The following ARHGEF28 variants were observed in gnomAD, a reference collection of about 807,000 sequenced individuals.
ARHGEF28 encodes the protein 190 kDa guanine nucleotide exchange factor.
Under a neutral mutation model 206.6 loss-of-function variants are expected in ARHGEF28, and 152 were observed. The observed-to-expected ratio is 0.74, with a 90% confidence interval of 0.64 to 0.84. ARHGEF28 has a LOEUF of 0.84. ARHGEF28 is among the 40% of genes least tolerant of loss of function. ARHGEF28 has a pLI of 0.00. For missense variants in ARHGEF28, 2,028 were observed against 2,073.2 expected (o/e 0.98, Z 0.42); for synonymous variants, 763 against 776.4 (o/e 0.98, Z 0.29).
chr5:73,903,911 A>G, intron 31 of ARHGEF28: 2 of 377,574 alleles, frequency 5.3e-6, no homozygotes, highest in Non-Finnish European at 9.5e-6. Flanking sequence ...TGTGGTTTGC[A>G]CAAGGTAAAT....
At chr5:73,893,315 TG>T (rs1561491427) in intron 28 of ARHGEF28, 27 bp downstream of exon 28, 2 of 1,513,044 alleles carry the variant, frequency 1.3e-6, no homozygotes, top group Admixed American at 4.2e-5. Flanking sequence ...TCTGGCTCCC[TG>T]GTCGTGGTGT....
chr5:73,635,493 A>G (rs1301555060), intron 1 of ARHGEF28, among the ~76,000 whole-genome samples: 1 of 152,222 alleles, frequency 6.6e-6, no homozygotes, highest in Non-Finnish European at 1.5e-5. Context: ...TTTTCCAAAT[A>G]GAAGGACTTT....
rs912364983 is a variant in ARHGEF28, at chr5:73,893,347, C to A, written c.3658+59C>A. 9 of 1,377,188 alleles carry A rather than the reference C, an allele frequency of 6.5e-6. No homozygotes were observed. In the African/African-American group the frequency reaches 1.2e-4, roughly 18 times the overall value. The allele number at this position is 1,377,188 out of a possible 1,614,324, so 85.3% of individuals were successfully genotyped here. On this transcript the variant is annotated intron_variant, in intron 28 of 35. Coordinates refer to ENST00000513042, the MANE Select transcript of ARHGEF28 (RefSeq NM_001177693.2). Reference sequence around the variant, plus strand: ...GGTGTTCTCCTGGGTGTTGGGAAAGCCTGAGTGTCATGAACAGGAGGTTAT... The same window carrying A: ...GGTGTTCTCCTGGGTGTTGGGAAAGACTGAGTGTCATGAACAGGAGGTTAT...
intron 26 of ARHGEF28, among the ~76,000 whole-genome samples, chr5:73,890,523 G>C (rs1220192590): frequency 6.6e-6 from 1 of 152,192 alleles, no homozygotes; most frequent in Non-Finnish European, 1.5e-5. Flanking sequence ...GGCTGCTTTT[G>C]CTTCCATTTT....
chr5:73,871,636 CCTTTA>C (rs796259938), intron 21 of ARHGEF28, among the ~76,000 whole-genome samples: 39 of 152,252 alleles, frequency 2.6e-4, no homozygotes, highest in African/African-American at 8.9e-4. Context: ...AAAATTCACT[CCTTTA>C]CAAGTACACA....
intron 22 of ARHGEF28, among the ~76,000 whole-genome samples, chr5:73,875,501 A>G (rs1440705395): frequency 1.3e-5 from 2 of 148,520 alleles, no homozygotes; most frequent in Admixed American, 6.7e-5. Flanking sequence ...GCCCATGCCT[A>G]TGTCCTGAAT....
Position 73,923,569 on chromosome 5 carries a change from A to G in ARHGEF28, c.4948+11994A>G, listed in dbSNP as rs561735091. The stretch of plus-strand genomic sequence containing the variant: ...GGTAAGAGATACAGATATATAGGTA[A>G]GATGAATATATTTGTCAGGTTCAAT... On this transcript the variant is annotated intron_variant, in intron 35 of 35. Transcript: ENST00000513042. Among the ~76,000 whole-genome samples, 37 of 152,330 alleles carry G rather than the reference A, an allele frequency of 2.4e-4. 2 individuals carry two copies. In the South Asian group the frequency reaches 6.8e-3, roughly 28 times the overall value.
At chr5:73,821,661 G>T (rs1284050622) in intron 9 of ARHGEF28, among the ~76,000 whole-genome samples, 5 of 151,884 alleles carry the variant, frequency 3.3e-5, no homozygotes, top group Non-Finnish European at 5.9e-5. Flanking sequence ...TTTTATCATG[G>T]TGTTTTTATA....
At chr5:73,892,392 C>T (rs1381011433) in intron 27 of ARHGEF28, among the ~76,000 whole-genome samples, 162 bp downstream of exon 27, 2 of 152,116 alleles carry the variant, frequency 1.3e-5, no homozygotes, top group African/African-American at 4.8e-5. Flanking sequence ...GCTTTCTCCT[C>T]CACGCCTCCC....
At chr5:73,628,340 A>G (rs1036356107) in intron 1 of ARHGEF28, among the ~76,000 whole-genome samples, 1 of 152,220 alleles carries the variant, frequency 6.6e-6, no homozygotes, top group African/African-American at 2.4e-5. Context: ...TTGGTACCCA[A>G]GCTCCAACAA....
At chr5:73,757,713 C>T (rs778046821) in intron 4 of ARHGEF28, among the ~76,000 whole-genome samples, 1 of 152,084 alleles carries the variant, frequency 6.6e-6, no homozygotes, top group Non-Finnish European at 1.5e-5. Context: ...TAATTTTAGA[C>T]CATAAATAAA....
intron 7 of ARHGEF28, among the ~76,000 whole-genome samples, chr5:73,788,106 C>A (rs1754266447): frequency 6.6e-6 from 1 of 151,772 alleles, no homozygotes; most frequent in African/African-American, 2.4e-5. Context: ...CTAGCTGAGT[C>A]AGATAAGCAG....
chr5:73,832,245 T>C, intron 9 of ARHGEF28, 93 bp from the exon 10 acceptor site: 1 of 1,438,754 alleles, frequency 7.0e-7, no homozygotes, highest in South Asian at 1.4e-5. Context: ...AAAATGCACT[T>C]GACTTTTTTT....
rs1449519973 is a variant in ARHGEF28 at position 73,840,492 on chromosome 5, G to T, written c.1159G>T (p.Asp387Tyr). The T allele has an allele frequency of 6.2e-6, 10 of 1,612,590 alleles. No homozygotes were observed. The highest frequency in any genetic ancestry group is 7.6e-6 in the Non-Finnish European group (9 of 1,179,108). Residue 387 changes from aspartate to tyrosine, a missense_variant, in exon 11 of 36, where the codon GAT becomes TAT. Coordinates refer to ENST00000513042, the MANE Select transcript of ARHGEF28 (RefSeq NM_001177693.2). ...TTTCAACTTCCAGGTTGGTGATTTG[G>T]ATATCAGCTATATTAATATAGAGGG... ...CMVIDQVGDL[D>Y]ISYINIEGIT...
chr5:73,633,908 T>G (rs957169973), intron 1 of ARHGEF28, among the ~76,000 whole-genome samples: 2 of 152,132 alleles, frequency 1.3e-5, no homozygotes, highest in African/African-American at 4.8e-5. Context: ...CTGTTGAGTT[T>G]CCACGTTCAT....
At chr5:73,732,143 T>C (rs1750659198) in intron 2 of ARHGEF28, among the ~76,000 whole-genome samples, 1 of 152,052 alleles carries the variant, frequency 6.6e-6, no homozygotes, top group African/African-American at 2.4e-5. Flanking sequence ...AAATGTATAA[T>C]GATAAAGTAT....
chr5:73,791,594 T>C (rs947470248), intron 7 of ARHGEF28, among the ~76,000 whole-genome samples: 1 of 152,194 alleles, frequency 6.6e-6, no homozygotes, highest in Non-Finnish European at 1.5e-5. Flanking sequence ...TGCTTAAGTC[T>C]AGACTCTGTG....
At chr5:73,648,884 C>T (rs1046018944) in intron 1 of ARHGEF28, among the ~76,000 whole-genome samples, 5 of 152,164 alleles carry the variant, frequency 3.3e-5, no homozygotes, top group Admixed American at 1.3e-4. Flanking sequence ...GAATGGTTCT[C>T]GGGATGAATT....
chr5:73,711,461 T>G (rs912373994), intron 2 of ARHGEF28, among the ~76,000 whole-genome samples: 11 of 152,172 alleles, frequency 7.2e-5, no homozygotes, highest in South Asian at 4.1e-4. Context: ...CTATGAACAT[T>G]GTATGTTCTC....
Sources: gnomAD v4.1 joint callset for allele counts (sites outside exome capture counted in the v4.1 genomes callset) on GRCh38, gnomAD v4.1.1 for gene constraint, MANE v1.5 for transcripts, NCBI Gene and HGNC (gene_info 2026-07-23, HGNC 2026-07-21) for gene names.